GALNTL6: variants seen among roughly 807,000 people sequenced by gnomAD.
GALNTL6 encodes the protein polypeptide N-acetylgalactosaminyltransferase like 6.
A neutral mutation model predicts 73.7 loss-of-function variants in GALNTL6; 46 were observed. The observed-to-expected ratio is 0.62, with a 90% CI of 0.49 to 0.80. The LOEUF is 0.80. Ranked by LOEUF, GALNTL6 falls within the 30% of genes least tolerant of loss-of-function variation. The probability of loss-of-function intolerance (pLI) is 0.00; values close to 1 mark genes in which losing one functional copy is unlikely to be tolerated. For missense variants in GALNTL6, 604 were observed against 755.0 expected, an observed-to-expected ratio of 0.80 and a Z score of 2.34; for synonymous variants, 259 against 263.7, an observed-to-expected ratio of 0.98 and a Z score of 0.17.
intron 2 of GALNTL6, among the ~76,000 whole-genome samples, chr4:172,195,271 G>A (rs1735721808): frequency 6.6e-6 from 1 of 152,036 alleles, no homozygotes; most frequent in African/African-American, 2.4e-5. Context: ...CAATACAGGA[G>A]CACCCAGATT....
At position 172,937,294 on chromosome 4, in the gene GALNTL6, A is replaced by G. The variant is rs11933120; in HGVS notation, c.1149+6026A>G. 3.7e-3 allele frequency among the ~76,000 whole-genome samples: 569 copies of G among 152,342 alleles called. 1 individual carries two copies. Among genetic ancestry groups the G allele is most frequent in the Non-Finnish European group, 5.7e-3 (385 of 68,026 alleles). ...CGAATGCAAGGAGCATTTGTAAAAA[A>G]AAAAATCATAAAATATTTTTATTGA... On this transcript the variant is annotated intron_variant, in intron 9 of 12. Transcript: ENST00000506823.
intron 2 of GALNTL6, among the ~76,000 whole-genome samples, chr4:172,114,590 G>C (rs572979949): frequency 6.6e-6 from 1 of 152,056 alleles, no homozygotes; most frequent in South Asian, 2.1e-4. Flanking sequence ...AGAGCTTTAG[G>C]GTATCACAAG....
intron 2 of GALNTL6, among the ~76,000 whole-genome samples, chr4:171,929,935 C>T (rs1489746841): frequency 1.3e-5 from 2 of 152,218 alleles, no homozygotes; most frequent in Non-Finnish European, 2.9e-5. Flanking sequence ...CAATGTCTGC[C>T]CCGTGTCCCC....
At chr4:172,726,197 C>G (rs1011723130) in intron 5 of GALNTL6, among the ~76,000 whole-genome samples, 2 of 152,204 alleles carry the variant, frequency 1.3e-5, no homozygotes, top group Non-Finnish European at 2.9e-5. Context: ...TAGCGAGGCT[C>G]TCGCCATTTA....
intron 2 of GALNTL6, among the ~76,000 whole-genome samples, chr4:172,223,356 G>A (rs775980725): frequency 9.2e-5 from 14 of 152,090 alleles, no homozygotes; most frequent in Non-Finnish European, 1.9e-4. Flanking sequence ...AAACTTCTGT[G>A]TAGATTATTT....
At chr4:172,080,139 G>T (rs1317838916) in intron 2 of GALNTL6, among the ~76,000 whole-genome samples, 2 of 152,004 alleles carry the variant, frequency 1.3e-5, no homozygotes, top group Admixed American at 6.6e-5. Context: ...CCCTTCCACA[G>T]CTTTGAAGTG....
chr4:172,676,704 C>T (rs991378018), intron 5 of GALNTL6, among the ~76,000 whole-genome samples: 6 of 152,176 alleles, frequency 3.9e-5, no homozygotes, highest in East Asian at 1.9e-4. Flanking sequence ...AGACAGGTTG[C>T]GGTGGCTGCC....
chr4:172,299,760 C>T (rs1481888150), intron 3 of GALNTL6, among the ~76,000 whole-genome samples: 1 of 152,186 alleles, frequency 6.6e-6, no homozygotes, highest in Non-Finnish European at 1.5e-5. Flanking sequence ...TGTTCTTTTA[C>T]GTTTGCTGAG....
At chr4:172,977,598 A>G (rs73870323) in intron 10 of GALNTL6, among the ~76,000 whole-genome samples, 5,164 of 152,282 alleles carry the variant, frequency 0.034, 185 homozygotes, top group African/African-American at 0.088. Flanking sequence ...TTTGGTGCAG[A>G]ATACACTGCA....
chr4:171,967,538 G>A (rs1289163152), intron 2 of GALNTL6, among the ~76,000 whole-genome samples: 1 of 147,516 alleles, frequency 6.8e-6, no homozygotes, highest in Admixed American at 6.9e-5. Context: ...CTTTGAAAAG[G>A]TTGTTCTTTA....
intron 2 of GALNTL6, among the ~76,000 whole-genome samples, chr4:171,989,072 C>T (rs760650529): frequency 3.9e-5 from 6 of 151,962 alleles, no homozygotes; most frequent in Non-Finnish European, 8.8e-5. Context: ...TAAGTTGGCA[C>T]CAGAGTTGGG....
chr4:172,645,777 A>T (rs1411482171), intron 5 of GALNTL6, among the ~76,000 whole-genome samples: 2 of 152,044 alleles, frequency 1.3e-5, no homozygotes, highest in African/African-American at 4.8e-5. Flanking sequence ...ATGGATAGTC[A>T]TGAAGATGTA....
intron 5 of GALNTL6, among the ~76,000 whole-genome samples, chr4:172,645,674 G>A (rs1220140872): frequency 6.6e-6 from 1 of 151,834 alleles, no homozygotes; most frequent in African/African-American, 2.4e-5. Flanking sequence ...AATTTAATAT[G>A]TGTTTTACAT....
At chr4:172,233,577 A>G (rs1161513857) in intron 3 of GALNTL6, among the ~76,000 whole-genome samples, 2 of 151,992 alleles carry the variant, frequency 1.3e-5, no homozygotes, top group African/African-American at 2.4e-5. Context: ...TTAAGTTTCC[A>G]TATTTATGTG....
rs200587938 is a variant in GALNTL6, at chr4:171,961,382, AC to A, written c.138+146667del. 9.4e-3 allele frequency among the ~76,000 whole-genome samples: 1,426 copies of A among 152,230 alleles called. 10 individuals carry two copies. Among genetic ancestry groups the A allele is most frequent in the Non-Finnish European group, 0.015 (1,054 of 68,006 alleles). On this transcript the variant is annotated intron_variant, in intron 2 of 12. Coordinates refer to ENST00000506823, the MANE Select transcript of GALNTL6 (RefSeq NM_001034845.3). ...CAGGGCCTCAAGAGGAGAAGAATTT[AC>A]CCAACTCATAGGTATTTGATGGTAC...
At chr4:172,783,022 G>A (rs1051166261) in intron 5 of GALNTL6, among the ~76,000 whole-genome samples, 1 of 151,766 alleles carries the variant, frequency 6.6e-6, no homozygotes, top group African/African-American at 2.4e-5. Flanking sequence ...GCTAAAGTGT[G>A]TCTTATTTGT....
chr4:172,629,483 A>G (rs1560844405), intron 5 of GALNTL6, among the ~76,000 whole-genome samples: 1 of 152,170 alleles, frequency 6.6e-6, no homozygotes, highest in Non-Finnish European at 1.5e-5. Flanking sequence ...ATATTTAAAT[A>G]TATTTTGAGA....
intron 5 of GALNTL6, among the ~76,000 whole-genome samples, chr4:172,488,438 C>T (rs1159439163): frequency 3.3e-5 from 5 of 152,132 alleles, no homozygotes; most frequent in African/African-American, 1.2e-4. Context: ...GAGATCTTTA[C>T]TCATACATCT....
intron 2 of GALNTL6, among the ~76,000 whole-genome samples, chr4:172,162,742 G>T (rs1389587789): frequency 1.3e-5 from 2 of 151,962 alleles, no homozygotes; most frequent in Non-Finnish European, 2.9e-5. Flanking sequence ...AAAAGCAGTG[G>T]CTAACAAGTA....
Sources: allele counts gnomAD v4.1 joint callset (sites outside exome capture counted in the v4.1 genomes callset), GRCh38; gene constraint gnomAD v4.1.1; transcripts MANE v1.5; gene names NCBI Gene and HGNC (gene_info 2026-07-23, HGNC 2026-07-21).